The following PLCD4 variants were observed in gnomAD, a reference collection of about 807,000 sequenced individuals.
The protein encoded by PLCD4 is 1-phosphatidylinositol 4,5-bisphosphate phosphodiesterase delta-4.
PLCD4 carries 63 observed loss-of-function variants against 90.2 expected under a neutral mutation model. The ratio of observed to expected loss-of-function variants is 0.70; its 90% CI spans 0.57 to 0.86. The LOEUF is 0.86. Ranked by LOEUF, PLCD4 falls within the 40% of genes least tolerant of loss-of-function variation. The pLI, the probability that PLCD4 is intolerant of heterozygous loss-of-function variation, is 0.00. For synonymous variants in PLCD4, 294 were observed against 356.5 expected (o/e 0.82, Z 1.97); for missense variants, 830 against 956.3 (o/e 0.87, Z 1.74).
chr2:218,620,948 G>T (rs1279516172), intron 4 of PLCD4, among the ~76,000 whole-genome samples: 1 of 135,334 alleles, frequency 7.4e-6, no homozygotes, highest in East Asian at 2.3e-4. Flanking sequence ...GTTTTGTTTT[G>T]AGACAGAATC....
chr2:218,620,994 A>G (rs923980681), intron 4 of PLCD4, among the ~76,000 whole-genome samples: 27 of 150,848 alleles, frequency 1.8e-4, no homozygotes, highest in Admixed American at 6.0e-4. Flanking sequence ...CAGTGGTGCC[A>G]TCTCGGCTCC....
intron 14 of PLCD4, 69 bp from the exon 15 acceptor site, chr2:218,636,174 A>G (rs768047269): frequency 2.0e-5 from 30 of 1,531,534 alleles, no homozygotes; most frequent in Middle Eastern, 3.4e-4. Flanking sequence ...AAATGAGAAC[A>G]CAAGAAAAGC....
chr2:218,636,952 G>C lies in PLCD4; in HGVS notation c.*375G>C. On this transcript the variant is annotated 3_prime_UTR_variant, in exon 16 of 16. Coordinates refer to ENST00000450993, the MANE Select transcript of PLCD4 (RefSeq NM_032726.4). ...TAGAAATTCAGAGGGGCTTGGAATA[G>C]AGAAACCTAAAGAAGCATCATCCCC... 1 of 458,076 alleles carries C rather than the reference G, an allele frequency of 2.2e-6. No homozygotes were observed. The highest frequency in any genetic ancestry group is 4.4e-6 in the Non-Finnish European group (1 of 228,426). 28.4% of individuals were successfully genotyped at this position (458,076 alleles called of 1,614,324 possible). A position where few individuals can be genotyped will look rare whatever the true frequency, so the allele number is the denominator to read the frequency against.
intron 6 of PLCD4, among the ~76,000 whole-genome samples, chr2:218,624,279 T>C (rs1020724267): frequency 2.6e-5 from 4 of 152,234 alleles, no homozygotes; most frequent in African/African-American, 9.6e-5. Flanking sequence ...TGAATGCTTA[T>C]TGAGTTCCTA....
intron 1 of PLCD4, among the ~76,000 whole-genome samples, chr2:218,613,238 A>G (rs1695420605): frequency 6.6e-6 from 1 of 151,930 alleles, no homozygotes; most frequent in Admixed American, 6.6e-5. Context: ...TAAAAATACA[A>G]AAATTAGCTG....
chr2:218,612,299 T>C (rs1695375123), intron 1 of PLCD4, among the ~76,000 whole-genome samples: 1 of 152,244 alleles, frequency 6.6e-6, no homozygotes, highest in South Asian at 2.1e-4. Context: ...GAGATGATTT[T>C]CTGGCTCTCA....
chr2:218,612,002 C>T (rs1186550742), intron 1 of PLCD4, among the ~76,000 whole-genome samples: 3 of 151,880 alleles, frequency 2.0e-5, no homozygotes, highest in Non-Finnish European at 4.4e-5. Flanking sequence ...GATCTTGGCT[C>T]ATTGCAACCT....
chr2:218,631,767 G>T (rs1250504582), intron 9 of PLCD4, among the ~76,000 whole-genome samples: 1 of 151,490 alleles, frequency 6.6e-6, no homozygotes, highest in Non-Finnish European at 1.5e-5. Flanking sequence ...ACTCCAGCCC[G>T]GGCGACAGTG....
chr2:218,628,030 C>A lies in PLCD4; in HGVS notation c.774C>A (p.Gly258=). 1.2e-6 allele frequency: 2 copies of A among 1,611,894 alleles called. No individual in the cohort carries two copies. Among genetic ancestry groups the A allele is most frequent in the South Asian group, 1.1e-5 (1 of 90,728 alleles). ...LIDRYEPSDS[G]KLRHVLSMDG... ...AGTGTTCCCCTGTCCACACTCCAGG[C>A]AAACTGCGGCATGTGCTGAGTATGG... The change falls in exon 7 of 16, where the codon GGC becomes GGA. Residue 258 remains glycine, a splice_region_variant and synonymous_variant. Coordinates refer to ENST00000450993, the MANE Select transcript of PLCD4 (RefSeq NM_032726.4).
chr2:218,625,516 A>T (rs1696078231), intron 6 of PLCD4, among the ~76,000 whole-genome samples: 1 of 152,246 alleles, frequency 6.6e-6, no homozygotes, highest in Admixed American at 6.5e-5. Context: ...GATAACTGTG[A>T]GCAAGTCACT....
At chr2:218,624,741 A>G (rs1372995113) in intron 6 of PLCD4, among the ~76,000 whole-genome samples, 2 of 151,100 alleles carry the variant, frequency 1.3e-5, no homozygotes, top group African/African-American at 4.9e-5. Flanking sequence ...AAAAGAAAAG[A>G]AAAGAAAAAA....
intron 3 of PLCD4, among the ~76,000 whole-genome samples, chr2:218,616,927 T>TATATATATATATATATATAG (rs1553571947): frequency 7.3e-5 from 1 of 13,764 alleles, no homozygotes; most frequent in Non-Finnish European, 1.3e-4. Context: ...TATATATATA[T>TATATATATATATATATATAG]AGAGAGAGAG....
chr2:218,633,962 G>C, intron 11 of PLCD4, 143 bp from the exon 12 acceptor site: 1 of 1,268,582 alleles, frequency 7.9e-7, no homozygotes, highest in Non-Finnish European at 1.1e-6. Context: ...GGTCTGGATG[G>C]ACAGAGTAGA....
rs1695882766 is a variant in PLCD4, at chr2:218,621,600, G to A, written c.540+1G>A. On this transcript the variant is annotated splice_donor_variant, in intron 5 of 15. Coordinates refer to ENST00000450993, the MANE Select transcript of PLCD4 (RefSeq NM_032726.4). LOFTEE classifies it high-confidence loss of function. Reference sequence around the variant, plus strand: ...AGAATATGCCTTCAGTCTTTTTCAGGTGAGTCTGTGGGGAAGGATTTCCAG... The same window carrying A: ...AGAATATGCCTTCAGTCTTTTTCAGATGAGTCTGTGGGGAAGGATTTCCAG... 6 of 1,613,566 alleles carry A rather than the reference G, an allele frequency of 3.7e-6. No individual in the cohort carries two copies. The highest frequency in any genetic ancestry group is 4.2e-6 in the Non-Finnish European group (5 of 1,179,708).
intron 9 of PLCD4, 134 bp from the exon 10 acceptor site, chr2:218,632,002 A>G: frequency 1.2e-6 from 1 of 844,708 alleles, no homozygotes; most frequent in Non-Finnish European, 1.8e-6. Flanking sequence ...TGTATCAAGC[A>G]GCTAATCTCT....
chr2:218,636,519 C>G lies in PLCD4; in HGVS notation c.2231C>G (p.Pro744Arg). 1 of 1,614,006 alleles carries G rather than the reference C, an allele frequency of 6.2e-7. No individual in the cohort carries two copies. Among genetic ancestry groups the G allele is most frequent in the Non-Finnish European group, 8.5e-7 (1 of 1,179,886 alleles). The change falls in exon 16 of 16, where the codon CCA (proline) becomes CGA (arginine). Residue 744 changes from proline to arginine, a missense_variant. Physicochemically the swap from Pro to Arg is moderately radical, Grantham distance 103. Transcript: ENST00000450993. ...LLSKDGISLR[P>R]ASIFVYICIQ... ...TCCAAAGATGGCATCAGCCTCCGCC[C>G]AGCTTCCATCTTTGTGTATATCTGC...
chr2:218,635,682 C>A lies in PLCD4; in HGVS notation c.1897-114C>A, dbSNP rs943384413. ...TAGAATACTAGAAGAAAATATATTA[C>A]CCATGGAGGATGTTTTACAAACCAA... On this transcript the variant is annotated intron_variant, in intron 13 of 15. Coordinates refer to ENST00000450993, the MANE Select transcript of PLCD4 (RefSeq NM_032726.4). The A allele has an allele frequency of 2.2e-6, 3 of 1,365,532 alleles. No individual in the cohort carries two copies. The South Asian group carries it at 4.5e-5, about 20-fold the overall frequency. The allele number at this position is 1,365,532 out of a possible 1,614,324, so 84.6% of individuals were successfully genotyped here.
At chr2:218,627,757 C>T (rs890384954) in intron 6 of PLCD4, among the ~76,000 whole-genome samples, 1 of 152,166 alleles carries the variant, frequency 6.6e-6, no homozygotes, top group Non-Finnish European at 1.5e-5. Flanking sequence ...CGTGATCTGC[C>T]CGTCTCAGCC....
chr2:218,622,907 G>A lies in PLCD4; in HGVS notation c.772+29G>A, dbSNP rs141446211. The A allele has an allele frequency of 1.1e-3, 1,700 of 1,584,512 alleles. 6 individuals carry two copies. Among genetic ancestry groups the A allele is most frequent in the Non-Finnish European group, 1.4e-3 (1,626 of 1,157,832 alleles). ...AGAGAAATCAGGTGGAGAGGCACCA[G>A]ACATAGGGGTTGGAGAGAGGGACAT... On this transcript the variant is annotated intron_variant, in intron 6 of 15. Transcript: ENST00000450993.
Sources: gnomAD v4.1 joint callset for allele counts (sites outside exome capture counted in the v4.1 genomes callset) on GRCh38, gnomAD v4.1.1 for gene constraint, MANE v1.5 for transcripts, NCBI Gene and HGNC (gene_info 2026-07-23, HGNC 2026-07-21) for gene names.